Variants in RNF212B observed in about 807,000 individuals in gnomAD.
The protein encoded by RNF212B is ring finger protein 212B, also known as E3 ubiquitin-protein ligase RNF212B.
A neutral mutation model predicts 55.5 loss-of-function variants in RNF212B; 52 were observed. That is an observed-to-expected ratio of 0.94 (90% confidence interval 0.75 to 1.18). The LOEUF (loss-of-function observed/expected upper bound fraction) is 1.18. Among genes scored for constraint, RNF212B ranks in the 50% most tolerant of loss-of-function variants. The pLI, the probability that RNF212B is intolerant of heterozygous loss-of-function variation, is 0.00. For synonymous variants in RNF212B, 99 were observed against 121.4 expected, an observed-to-expected ratio of 0.82 and a Z score of 1.21; for missense variants, 289 against 350.4, an observed-to-expected ratio of 0.82 and a Z score of 1.40.
intron 4 of RNF212B, among the ~76,000 whole-genome samples, chr14:23,250,482 C>A (rs865796943): frequency 5.2e-3 from 604 of 116,346 alleles, no homozygotes; most frequent in Middle Eastern, 0.014. Flanking sequence ...GACTCTGTCT[C>A]AAAAAAAAAA....
At chr14:23,244,246 T>A (rs1000384240) in intron 3 of RNF212B, 76 bp from the exon 4 acceptor site, 7 of 814,160 alleles carry the variant, frequency 8.6e-6, no homozygotes, top group Non-Finnish European at 1.3e-5. Flanking sequence ...AGGTGGTACA[T>A]CTTTTGTCAT....
chr14:23,264,610 A>G lies in RNF212B; in HGVS notation c.586-13A>G. 2.2e-6 allele frequency: 3 copies of G among 1,336,072 alleles called. No homozygotes were observed. The South Asian group carries it at 7.0e-5, about 31-fold the overall frequency. 82.8% of individuals were successfully genotyped at this position (1,336,072 alleles called of 1,614,324 possible). A position where few individuals can be genotyped will look rare whatever the true frequency, so the allele number is the denominator to read the frequency against. On this transcript the variant is annotated splice_polypyrimidine_tract_variant and intron_variant, in intron 10 of 14. Transcript: ENST00000430154. ...ATATATTTATTAATTGATGCTTATT[A>G]TTTGTCTATCAGGGAGGCAGAGGTC... is the stretch of plus-strand genomic sequence containing the variant.
chr14:23,254,687 C>T (rs1884682749), intron 4 of RNF212B, among the ~76,000 whole-genome samples: 1 of 152,168 alleles, frequency 6.6e-6, no homozygotes, highest in South Asian at 2.1e-4. Context: ...AGCCACTGCA[C>T]CTGGCCTAGT....
At chr14:23,248,794 T>C (rs1664055621) in intron 4 of RNF212B, among the ~76,000 whole-genome samples, 2 of 152,190 alleles carry the variant, frequency 1.3e-5, no homozygotes, top group South Asian at 4.1e-4. Context: ...AAAGCCTTCA[T>C]GACATAATCA....
At chr14:23,239,486 T>C (rs1883396519) in intron 1 of RNF212B, among the ~76,000 whole-genome samples, 1 of 152,240 alleles carries the variant, frequency 6.6e-6, no homozygotes, top group African/African-American at 2.4e-5. Flanking sequence ...GTGGCTAATA[T>C]GTGATCTTCT....
rs1190334860 is a variant in RNF212B, at chr14:23,197,589, A to G, written c.-2+4188A>G. ...ATATTAAATAAGCAAATTAAAAATT[A>G]TTTAAAAAAACAAATATAATTAAAA... On this transcript the variant is annotated intron_variant, in intron 2 of 15. Coordinates refer to the RNF212B transcript ENST00000399910. Among the ~76,000 whole-genome samples, 3 of 152,100 alleles carry G rather than the reference A, an allele frequency of 2.0e-5. No individual in the cohort carries two copies. In the East Asian group the frequency reaches 5.8e-4, roughly 29 times the overall value.
chr14:23,269,958 T>A lies in RNF212B; in HGVS notation c.770T>A (p.Phe257Tyr), dbSNP rs1444627939. ...ACAAGAGTCCTCACCCCCAACAATT[T>A]TGGTAAGTTAAATAACATTTCCAAA... Reference protein sequence around the residue: ...GHTRVLTPNNFAQRESTTTLE... With the variant: ...GHTRVLTPNNYAQRESTTTLE... The change falls in exon 13 of 15, where the codon TTT (phenylalanine) becomes TAT (tyrosine). Residue 257 changes from phenylalanine to tyrosine, a missense_variant and splice_region_variant. By Grantham distance (22) the Phe-to-Tyr change is conservative (BLOSUM62 3). Coordinates refer to ENST00000430154, the MANE Select transcript of RNF212B (RefSeq NM_001282322.3). The A allele has an allele frequency of 6.6e-7, 1 of 1,517,188 alleles. No homozygotes were observed. The highest frequency in any genetic ancestry group is 1.2e-5 in the South Asian group (1 of 83,314). The allele number at this position is 1,517,188 out of a possible 1,614,324, so 94.0% of individuals were successfully genotyped here. A position where few individuals can be genotyped will look rare whatever the true frequency, so the allele number is the denominator to read the frequency against.
chr14:23,205,316 T>TTTTTTTTAAAAAAAGGACACCC (rs1566394763), intron 2 of RNF212B, among the ~76,000 whole-genome samples: 2 of 47,236 alleles, frequency 4.2e-5, no homozygotes, highest in Admixed American at 1.5e-4. Context: ...AAGGACACCC[T>TTTTTTTTAAAAAAAGGACACCC]TTTTTTTTTT....
chr14:23,217,246 T>G (rs1881168876), intron 2 of RNF212B, among the ~76,000 whole-genome samples: 3 of 147,412 alleles, frequency 2.0e-5, no homozygotes, highest in African/African-American at 8.0e-5. Flanking sequence ...GTGGCAGTGG[T>G]GGCAGTGGTG....
intron 5 of RNF212B, among the ~76,000 whole-genome samples, chr14:23,259,275 A>G (rs1305884972): frequency 6.6e-6 from 1 of 151,508 alleles, no homozygotes; most frequent in Non-Finnish European, 1.5e-5. Flanking sequence ...TGTAGCCTCA[A>G]TCTCCTGGGC....
intron 4 of RNF212B, among the ~76,000 whole-genome samples, chr14:23,252,435 A>G (rs916797877): frequency 6.6e-6 from 1 of 152,240 alleles, no homozygotes; most frequent in Admixed American, 6.5e-5. Context: ...AAAGAATATA[A>G]TGATATGTAT....
chr14:23,269,264 C>T (rs1173698746), intron 12 of RNF212B, among the ~76,000 whole-genome samples: 2 of 151,964 alleles, frequency 1.3e-5, no homozygotes, highest in African/African-American at 2.4e-5. Flanking sequence ...CATGGTGTCA[C>T]TGCCCTCCAG....
intron 2 of RNF212B, among the ~76,000 whole-genome samples, chr14:23,241,168 A>G (rs1178986025): frequency 6.6e-6 from 1 of 152,170 alleles, no homozygotes; most frequent in East Asian, 1.9e-4. Context: ...GAATGATAAA[A>G]TGGAATTTGC....
chr14:23,191,067 T>C (rs1458828680), intron 1 of RNF212B, among the ~76,000 whole-genome samples: 2 of 152,176 alleles, frequency 1.3e-5, no homozygotes, highest in African/African-American at 4.8e-5. Flanking sequence ...AGAAAGTCCA[T>C]CGCAGGCTGC....
At chr14:23,239,542 C>T (rs1306817758) in intron 1 of RNF212B, among the ~76,000 whole-genome samples, 1 of 152,186 alleles carries the variant, frequency 6.6e-6, no homozygotes, top group Non-Finnish European at 1.5e-5. Flanking sequence ...CACCATATCA[C>T]AGGAAGTAGT....
At chr14:23,259,189 T>TCAAAAA (rs1366061579) in intron 5 of RNF212B, among the ~76,000 whole-genome samples, 10 of 128,928 alleles carry the variant, frequency 7.8e-5, no homozygotes, top group African/African-American at 2.3e-4. Flanking sequence ...AGACACTGTC[T>TCAAAAA]CAAAAACAAA....
rs189333350 is a variant in RNF212B at position 23,209,005 on chromosome 14, G to A, written c.-2+15604G>A. On this transcript the variant is annotated intron_variant, in intron 2 of 15. Coordinates refer to the RNF212B transcript ENST00000399910. Reference sequence around the variant, plus strand: ...GATCTCCTGACCTCGTGATCCGCCCGCCTTGGCCTCCCAGAGTGCTGGGAT... The same window carrying A: ...GATCTCCTGACCTCGTGATCCGCCCACCTTGGCCTCCCAGAGTGCTGGGAT... Among the ~76,000 whole-genome samples the A allele has an allele frequency of 2.6e-3, 390 of 152,126 alleles. 2 individuals carry two copies. Among genetic ancestry groups the A allele is most frequent in the East Asian group, 0.017 (87 of 5,166 alleles).
At chr14:23,207,520 GGAGATCAGGCATTCTCTGTA>G (rs903352464) in intron 2 of RNF212B, among the ~76,000 whole-genome samples, 5 of 152,140 alleles carry the variant, frequency 3.3e-5, no homozygotes, top group African/African-American at 1.2e-4. Flanking sequence ...CCAAATTTGG[GGAGATCAGGCATTCTCTGTA>G]GAGGGTATTT....
chr14:23,210,600 AC>A (rs1880397189), intron 2 of RNF212B, among the ~76,000 whole-genome samples: 2 of 151,734 alleles, frequency 1.3e-5, no homozygotes, highest in African/African-American at 4.8e-5. Flanking sequence ...ACATAGTGAA[AC>A]CCCGTCTCTA....
Sources: allele counts gnomAD v4.1 joint callset (sites outside exome capture counted in the v4.1 genomes callset), GRCh38; gene constraint gnomAD v4.1.1; transcripts MANE v1.5; gene names NCBI Gene and HGNC (gene_info 2026-07-23, HGNC 2026-07-21).